SLC9A9: variants seen among roughly 807,000 people sequenced by gnomAD.
The protein encoded by SLC9A9 is solute carrier family 9 member A9.
A neutral mutation model predicts 77.8 loss-of-function variants in SLC9A9; 62 were observed. The ratio of observed to expected loss-of-function variants is 0.80; its 90% CI spans 0.65 to 0.98. The LOEUF (loss-of-function observed/expected upper bound fraction) is 0.98, where lower values mean the gene tolerates loss of function less well. SLC9A9 is among the 50% of genes least tolerant of loss of function. SLC9A9 has a pLI of 0.00. For missense variants in SLC9A9, 775 were observed against 774.9 expected (o/e 1.00, Z 0.00); for synonymous variants, 320 against 283.5 (o/e 1.13, Z -1.29).
intron 1 of SLC9A9, among the ~76,000 whole-genome samples, chr3:143,838,030 A>G (rs534914776): frequency 3.8e-5 from 3 of 78,600 alleles, no homozygotes; most frequent in Non-Finnish European, 1.1e-4. Context: ...CTGGACTTCC[A>G]GTTATGGGAG....
At chr3:143,270,483 A>G (rs920571) in intron 14 of SLC9A9, among the ~76,000 whole-genome samples, 54,181 of 151,584 alleles carry the variant, frequency 0.36, 12,668 homozygotes, top group African/African-American at 0.67. Flanking sequence ...GGAGCTGCAG[A>G]CTCAGGCTGG....
At chr3:143,630,199 A>G (rs2038398910) in intron 6 of SLC9A9, among the ~76,000 whole-genome samples, 2 of 152,216 alleles carry the variant, frequency 1.3e-5, no homozygotes, top group South Asian at 4.1e-4. Context: ...CTCAGTGAGA[A>G]GTGAAGTGAA....
At chr3:143,341,081 A>G (rs935962369) in intron 14 of SLC9A9, among the ~76,000 whole-genome samples, 2 of 152,214 alleles carry the variant, frequency 1.3e-5, no homozygotes, top group African/African-American at 2.4e-5. Flanking sequence ...TTAGGCTGAA[A>G]GTCTGTCCAA....
At chr3:143,438,765 G>GATTTCC (rs2034671252) in intron 12 of SLC9A9, among the ~76,000 whole-genome samples, 1 of 152,112 alleles carries the variant, frequency 6.6e-6, no homozygotes, top group Non-Finnish European at 1.5e-5. Flanking sequence ...CATGGTTCTT[G>GATTTCC]AGTGGGGAGT....
chr3:143,551,344 T>C (rs1488473498), intron 9 of SLC9A9, among the ~76,000 whole-genome samples: 1 of 152,198 alleles, frequency 6.6e-6, no homozygotes, highest in Non-Finnish European at 1.5e-5. Flanking sequence ...TAGGTTATAG[T>C]CTAAAGTCCT....
At position 143,266,103 on chromosome 3, in the gene SLC9A9, C is replaced by T. The variant is rs1176586959; in HGVS notation, c.*599G>A. ...TGGGAGAAGTAGCATAAGAAGGATG[C>T]CAAGAAGAACAATAGGTTCTTCAAC... On this transcript the variant is annotated 3_prime_UTR_variant, in exon 16 of 16. Transcript: ENST00000316549. The T allele has an allele frequency of 1.4e-6, 1 of 702,244 alleles. No individual in the cohort carries two copies. The highest frequency in any genetic ancestry group is 2.6e-6 in the Non-Finnish European group (1 of 384,774). The allele number at this position is 702,244 out of a possible 1,614,324, so 43.5% of individuals were successfully genotyped here.
chr3:143,811,701 A>C (rs1419898691), intron 2 of SLC9A9: 7 of 454,962 alleles, frequency 1.5e-5, no homozygotes, highest in Non-Finnish European at 3.1e-5. Flanking sequence ...CAAAAACAAA[A>C]AAACAAAAAA....
At chr3:143,645,022 AT>A in intron 6 of SLC9A9, among the ~76,000 whole-genome samples, 1 of 152,194 alleles carries the variant, frequency 6.6e-6, no homozygotes, top group Non-Finnish European at 1.5e-5. Flanking sequence ...TATGGGTCAA[AT>A]TGGAGGAGCA....
intron 14 of SLC9A9, among the ~76,000 whole-genome samples, chr3:143,331,101 G>A (rs560790645): frequency 1.3e-5 from 2 of 152,258 alleles, no homozygotes; most frequent in Admixed American, 6.5e-5. Flanking sequence ...AAGAGAGGAT[G>A]GATGAACTAT....
chr3:143,683,476 A>T (rs1178590117), intron 5 of SLC9A9, among the ~76,000 whole-genome samples: 1 of 152,134 alleles, frequency 6.6e-6, no homozygotes, highest in Non-Finnish European at 1.5e-5. Flanking sequence ...ATTAAAGGAG[A>T]ACGCAGAGAA....
chr3:143,486,154 A>C (rs1323260055), intron 11 of SLC9A9, among the ~76,000 whole-genome samples: 1 of 152,134 alleles, frequency 6.6e-6, no homozygotes, highest in Non-Finnish European at 1.5e-5. Context: ...AAAATAAAAA[A>C]CAAAAACAAA....
At chr3:143,804,176 C>A (rs865892165) in intron 2 of SLC9A9, among the ~76,000 whole-genome samples, 5 of 152,270 alleles carry the variant, frequency 3.3e-5, no homozygotes, top group Middle Eastern at 3.4e-3. Context: ...ACAATTGGAG[C>A]CTTCCAGCTC....
intron 14 of SLC9A9, among the ~76,000 whole-genome samples, chr3:143,316,712 G>A (rs573612170): frequency 3.3e-5 from 5 of 152,264 alleles, no homozygotes; most frequent in African/African-American, 1.2e-4. Flanking sequence ...CAACTCTGGG[G>A]AAAACTAGGC....
chr3:143,714,799 T>A (rs1019399621), intron 4 of SLC9A9, among the ~76,000 whole-genome samples: 1 of 152,104 alleles, frequency 6.6e-6, no homozygotes, highest in African/African-American at 2.4e-5. Flanking sequence ...TGGCAAGAGA[T>A]CAGAGTGGGG....
intron 6 of SLC9A9, among the ~76,000 whole-genome samples, chr3:143,579,679 T>C (rs969716896): frequency 6.6e-6 from 1 of 152,162 alleles, no homozygotes; most frequent in Non-Finnish European, 1.5e-5. Context: ...AGTTTAGCAG[T>C]GGGTTTTGGA....
intron 6 of SLC9A9, among the ~76,000 whole-genome samples, chr3:143,593,958 C>T (rs975729276): frequency 1.3e-5 from 2 of 152,174 alleles, no homozygotes; most frequent in African/African-American, 2.4e-5. Context: ...CATCCTCTGC[C>T]TTGGATTTGC....
chr3:143,492,517 G>C (rs2035765886), intron 11 of SLC9A9, among the ~76,000 whole-genome samples: 1 of 152,154 alleles, frequency 6.6e-6, no homozygotes, highest in Non-Finnish European at 1.5e-5. Context: ...GGATGGCACT[G>C]AAGGCAAAAC....
chr3:143,325,416 A>G (rs1298131333), intron 14 of SLC9A9, among the ~76,000 whole-genome samples: 1 of 152,176 alleles, frequency 6.6e-6, no homozygotes, highest in Admixed American at 6.5e-5. Context: ...TCTATAACCT[A>G]AAACCTTACC....
chr3:143,574,794 T>C (rs1254426967), intron 7 of SLC9A9, among the ~76,000 whole-genome samples: 2 of 152,172 alleles, frequency 1.3e-5, no homozygotes, highest in African/African-American at 4.8e-5. Context: ...TTGACAAGGA[T>C]GACACTTGGT....
Sources: allele counts gnomAD v4.1 joint callset (sites outside exome capture counted in the v4.1 genomes callset), GRCh38; gene constraint gnomAD v4.1.1; transcripts MANE v1.5; gene names NCBI Gene and HGNC (gene_info 2026-07-23, HGNC 2026-07-21).